The following BACE2 variants were observed in gnomAD, a reference collection of about 807,000 sequenced individuals.
BACE2 encodes the protein beta-secretase 2.
BACE2 carries 17 observed loss-of-function variants against 46.2 expected under a neutral mutation model. That is an observed-to-expected ratio of 0.37 (90% CI 0.25 to 0.55). The LOEUF (loss-of-function observed/expected upper bound fraction) is 0.55. BACE2 is among the 20% of genes least tolerant of loss of function. The pLI is 0.82. For missense variants in BACE2, 595 were observed against 698.1 expected (o/e 0.85, Z 1.66); for synonymous variants, 277 against 295.9 (o/e 0.94, Z 0.66).
At position 41,226,322 on chromosome 21, in the gene BACE2, C is replaced by T. The variant is rs1046750252; in HGVS notation, c.369C>T (p.His123=). ...ACTTTGCCGTGGCAGGAACCCCGCA[C>T]TCCTACATAGACACGTACTTTGACA... ...SSNFAVAGTP[H]SYIDTYFDTE... The change falls in exon 2 of 9, where the codon CAC becomes CAT. Residue 123 remains histidine, a synonymous_variant. Transcript: ENST00000330333. 2 of 1,614,144 alleles carry T rather than the reference C, an allele frequency of 1.2e-6. No homozygotes were observed. Among genetic ancestry groups the T allele is most frequent in the Non-Finnish European group, 1.7e-6 (2 of 1,180,036 alleles).
intron 1 of BACE2, among the ~76,000 whole-genome samples, chr21:41,185,550 T>C (rs188844558): frequency 1.1e-4 from 16 of 152,318 alleles, no homozygotes; most frequent in African/African-American, 3.1e-4. Flanking sequence ...CAATTGGCTA[T>C]TAGGAAAATA....
intron 1 of BACE2, among the ~76,000 whole-genome samples, chr21:41,174,137 GC>G (rs200242682): frequency 0.13 from 12,772 of 96,484 alleles, 2,354 homozygotes; most frequent in African/African-American, 0.22. Flanking sequence ...GTGATCAGTG[GC>G]CTTTTTTTTT....
chr21:41,274,299 CTCTGATTT>C lies in BACE2; in HGVS notation c.1304-1070_1304-1063del, dbSNP rs760436966. ...TTGCAAAGTAATCAAGCCTGTTTTC[CTCTGATTT>C]TAAAACCATTCTTTTCAGGTCATTA... is the stretch of plus-strand genomic sequence containing the variant. On this transcript the variant is annotated intron_variant, in intron 8 of 8. Coordinates refer to ENST00000330333, the MANE Select transcript of BACE2 (RefSeq NM_012105.5). 7.4e-4 allele frequency among the ~76,000 whole-genome samples: 113 copies of C among 152,112 alleles called. 1 individual carries two copies. Among genetic ancestry groups the C allele is most frequent in the Non-Finnish European group, 1.1e-3 (77 of 67,994 alleles).
rs1984449651 is a variant in BACE2, at chr21:41,168,212, G to A, written c.-52G>A. 8.6e-6 allele frequency: 9 copies of A among 1,045,756 alleles called. No individual in the cohort carries two copies. In the South Asian group the frequency reaches 4.1e-4, roughly 48 times the overall value. The allele number at this position is 1,045,756 out of a possible 1,614,324, so 64.8% of individuals were successfully genotyped here. ...CCGAGTCGCTGAGCCGCGGCTGCCG[G>A]ACGGGACGGGACCGGCTAGGCTGGG... On this transcript the variant is annotated 5_prime_UTR_variant, in exon 1 of 9. Transcript: ENST00000330333.
intron 1 of BACE2, chr21:41,179,227 G>A (rs1984985443): frequency 7.8e-7 from 1 of 1,289,478 alleles, no homozygotes; most frequent in Non-Finnish European, 1.0e-6. Flanking sequence ...CCAGGATGAG[G>A]AGTGAGGGTG....
At chr21:41,260,799 T>C (rs1386413577) in intron 8 of BACE2, among the ~76,000 whole-genome samples, 3 of 152,194 alleles carry the variant, frequency 2.0e-5, no homozygotes, top group African/African-American at 7.2e-5. Context: ...ACGACGCAGG[T>C]AAATGCCAGG....
Position 41,246,026 on chromosome 21 carries a change from T to C in BACE2, c.947T>C (p.Phe316Ser). The change falls in exon 6 of 9, where the codon TTT becomes TCT. Residue 316 changes from phenylalanine to serine, a missense_variant. By Grantham distance (155) the Phe-to-Ser change is radical. Around this residue, in one of 3 missense-constraint regions of BACE2, gnomAD observed 343 missense variants for 419.4 expected, o/e 0.82. Coordinates refer to ENST00000330333, the MANE Select transcript of BACE2 (RefSeq NM_012105.5). ...CTGCTGCGCCTGCCCCAGAAGGTGT[T>C]TGATGCGGTGGTGGAAGCTGTGGCC... ...TTLLRLPQKV[F>S]DAVVEAVARA... 1 of 1,610,692 alleles carries C rather than the reference T, an allele frequency of 6.2e-7. No individual in the cohort carries two copies. The highest frequency in any genetic ancestry group is 8.5e-7 in the Non-Finnish European group (1 of 1,178,602).
At chr21:41,172,438 A>G (rs1255024060) in intron 1 of BACE2, among the ~76,000 whole-genome samples, 1 of 152,216 alleles carries the variant, frequency 6.6e-6, no homozygotes, top group Non-Finnish European at 1.5e-5. Flanking sequence ...GTCCTGGAAA[A>G]TGTGCACAAC....
intron 8 of BACE2, among the ~76,000 whole-genome samples, chr21:41,263,933 C>T (rs1003713640): frequency 6.6e-6 from 1 of 152,168 alleles, no homozygotes; most frequent in Non-Finnish European, 1.5e-5. Flanking sequence ...TCCACTATTG[C>T]CTCATGCACA....
chr21:41,214,970 AAACC>A (rs1986413648), intron 1 of BACE2, among the ~76,000 whole-genome samples: 1 of 152,088 alleles, frequency 6.6e-6, no homozygotes, highest in Non-Finnish European at 1.5e-5. Context: ...TGTGGGGGGC[AAACC>A]AGGAGGGCGC....
Position 41,168,307 on chromosome 21 carries a change from A to G in BACE2, c.44A>G (p.Gln15Arg). ...ARALLLPLLA[Q>R]WLLRAAPELA... ...GCGCTGCTGCTGCCTCTGCTGGCCC[A>G]GTGGCTCCTGCGCGCCGCCCCGGAG... The change falls in exon 1 of 9, where the codon CAG becomes CGG. Residue 15 changes from glutamine (Q) to arginine (R), a missense_variant. By Grantham distance (43) the Gln-to-Arg change is conservative (BLOSUM62 1). Coordinates refer to ENST00000330333, the MANE Select transcript of BACE2 (RefSeq NM_012105.5). 3 of 1,314,874 alleles carry G rather than the reference A, an allele frequency of 2.3e-6. No homozygotes were observed. The highest frequency in any genetic ancestry group is 2.9e-6 in the Non-Finnish European group (3 of 1,032,922). The allele number at this position is 1,314,874 out of a possible 1,614,324, so 81.5% of individuals were successfully genotyped here. A position where few individuals can be genotyped will look rare whatever the true frequency, so the allele number is the denominator to read the frequency against.
intron 4 of BACE2, 144 bp from the exon 5 acceptor site, chr21:41,243,232 T>C (rs1987357831): frequency 1.5e-6 from 1 of 656,264 alleles, no homozygotes; most frequent in East Asian, 3.2e-5. Context: ...TTTTTAAGCA[T>C]TGATATTTGT....
intron 1 of BACE2, among the ~76,000 whole-genome samples, chr21:41,207,653 G>A (rs1167283800): frequency 1.4e-5 from 2 of 139,658 alleles, no homozygotes; most frequent in Admixed American, 1.4e-4. Context: ...CCTGGTGCAG[G>A]AGGGACTGTT....
chr21:41,208,635 T>A (rs1269199961), intron 1 of BACE2, among the ~76,000 whole-genome samples: 1 of 152,138 alleles, frequency 6.6e-6, no homozygotes, highest in Non-Finnish European at 1.5e-5. Context: ...ATTCTTCTGA[T>A]TCTGATGCAG....
At chr21:41,254,147 A>G (rs1987714247) in intron 7 of BACE2, among the ~76,000 whole-genome samples, 1 of 152,234 alleles carries the variant, frequency 6.6e-6, no homozygotes. Context: ...GAAAAGAGTC[A>G]ATTCGAAAGC....
intron 1 of BACE2, among the ~76,000 whole-genome samples, chr21:41,207,588 A>G (rs1986168103): frequency 6.6e-6 from 1 of 152,044 alleles, no homozygotes; most frequent in Non-Finnish European, 1.5e-5. Flanking sequence ...TCTATAGAGA[A>G]AGCACTCCTT....
rs1987451617 is a variant in BACE2 at position 41,245,893 on chromosome 21, G to T, written c.883-69G>T. The T allele has an allele frequency of 3.2e-6, 4 of 1,245,178 alleles. 1 individual carries two copies. The South Asian group carries it at 4.2e-5, about 13-fold the overall frequency. The allele number at this position is 1,245,178 out of a possible 1,614,324, so 77.1% of individuals were successfully genotyped here. On this transcript the variant is annotated intron_variant, in intron 5 of 8. Transcript: ENST00000330333. ...GTGTAACAGACAGATGGTGATGGCG[G>T]CTAGAGCCACGTGGGGCGGGGAGCG... is the stretch of plus-strand genomic sequence containing the variant.
intron 7 of BACE2, among the ~76,000 whole-genome samples, chr21:41,253,424 A>G (rs1568888014): frequency 1.4e-5 from 2 of 143,178 alleles, no homozygotes; most frequent in African/African-American, 5.2e-5. Context: ...CCTGGACGAC[A>G]GTGTGAGACT....
intron 6 of BACE2, 28 bp from the exon 7 acceptor site, chr21:41,250,724 G>A: frequency 6.2e-7 from 1 of 1,612,804 alleles, no homozygotes; most frequent in Non-Finnish European, 8.5e-7. Flanking sequence ...ACTAGTCATG[G>A]TTTCTGATGT....
Sources: gnomAD v4.1 joint callset for allele counts (sites outside exome capture counted in the v4.1 genomes callset) on GRCh38, gnomAD v4.1.1 for gene constraint, gnomAD v4.1.1 regional missense constraint, MANE v1.5 for transcripts, NCBI Gene and HGNC (gene_info 2026-07-23, HGNC 2026-07-21) for gene names.